KIAA1958: variants seen among roughly 807,000 people sequenced by gnomAD.
KIAA1958 encodes KIAA1958, also known as uncharacterized protein KIAA1958.
A neutral mutation model predicts 47.2 loss-of-function variants in KIAA1958; 14 were observed. The observed-to-expected ratio is 0.30, with a 90% CI of 0.20 to 0.46. KIAA1958 has a LOEUF of 0.46. Ranked by LOEUF, KIAA1958 falls within the 20% of genes least tolerant of loss-of-function variation. The pLI, the probability that KIAA1958 is intolerant of heterozygous loss-of-function variation, is 1.00. For missense variants in KIAA1958, 803 were observed against 909.2 expected (o/e 0.88, Z 1.50); for synonymous variants, 354 against 353.3 (o/e 1.00, Z -0.02).
At chr9:112,509,069 AT>A (rs1834279858) in intron 1 of KIAA1958, among the ~76,000 whole-genome samples, 1 of 146,528 alleles carries the variant, frequency 6.8e-6, no homozygotes, top group Non-Finnish European at 1.5e-5. Context: ...AAAAAGAGCA[AT>A]GTAGATACAT....
At chr9:112,581,745 A>T (rs1835739697) in intron 2 of KIAA1958, 1 of 201,130 alleles carries the variant, frequency 5.0e-6, no homozygotes, top group Admixed American at 4.8e-5. Flanking sequence ...TTTCAACACT[A>T]GTTATCCCAT....
At chr9:112,655,888 C>A (rs1301874679) in intron 3 of KIAA1958, among the ~76,000 whole-genome samples, 3 of 152,152 alleles carry the variant, frequency 2.0e-5, no homozygotes, top group Non-Finnish European at 4.4e-5. Flanking sequence ...TTTCTCTCCA[C>A]ATTAGCCCTG....
chr9:112,626,569 A>G (rs1248523289), intron 2 of KIAA1958, among the ~76,000 whole-genome samples: 1 of 152,178 alleles, frequency 6.6e-6, no homozygotes, highest in Non-Finnish European at 1.5e-5. Flanking sequence ...GTAATTGTGT[A>G]TACTGTGTTT....
chr9:112,643,305 A>G (rs1353769072), intron 2 of KIAA1958, among the ~76,000 whole-genome samples: 3 of 152,192 alleles, frequency 2.0e-5, no homozygotes, highest in African/African-American at 7.2e-5. Flanking sequence ...CAGAGAGGGT[A>G]CCTTGGTAAA....
At position 112,660,095 on chromosome 9, in the gene KIAA1958, C is replaced by T. The variant is rs775114661; in HGVS notation, c.*26C>T. Reference sequence around the variant, plus strand: ...GCCCCCACTGGGGCCCGGCCACTGCCCTGTCACCTGCTCGGGCCAGCCAGG... The same window carrying T: ...GCCCCCACTGGGGCCCGGCCACTGCTCTGTCACCTGCTCGGGCCAGCCAGG... On this transcript the variant is annotated 3_prime_UTR_variant, in exon 4 of 4. Coordinates refer to ENST00000337530, the MANE Select transcript of KIAA1958 (RefSeq NM_133465.4). 1.9e-6 allele frequency: 3 copies of T among 1,597,238 alleles called. No homozygotes were observed. The highest frequency in any genetic ancestry group is 2.2e-5 in the South Asian group (2 of 89,548).
intron 2 of KIAA1958, among the ~76,000 whole-genome samples, chr9:112,603,930 G>A (rs1001036913): frequency 6.6e-6 from 1 of 152,138 alleles, no homozygotes; most frequent in Admixed American, 6.5e-5. Flanking sequence ...AGAGAATTCA[G>A]ACATCATTTC....
At position 112,500,042 on chromosome 9, in the gene KIAA1958, C is replaced by G. The variant is rs141673965; in HGVS notation, c.-25+12924C>G. ...TATATACTGGGTTAAGGTATAAAAT[C>G]TGCACTTTCCATTAATGAAGTGATT... On this transcript the variant is annotated intron_variant, in intron 1 of 3. Coordinates refer to ENST00000337530, the MANE Select transcript of KIAA1958 (RefSeq NM_133465.4). Among the ~76,000 whole-genome samples the G allele has an allele frequency of 2.8e-4, 43 of 152,146 alleles. No homozygotes were observed. In the East Asian group the frequency reaches 7.9e-3, roughly 28 times the overall value.
intron 1 of KIAA1958, among the ~76,000 whole-genome samples, chr9:112,496,430 T>C (rs3849131): frequency 0.96 from 145,487 of 152,328 alleles, 69,538 homozygotes; most frequent in African/African-American, 0.98. Context: ...TTGATGAGAA[T>C]AGAGAAAGTA....
At chr9:112,544,276 G>T (rs1834992669) in intron 1 of KIAA1958, among the ~76,000 whole-genome samples, 1 of 152,212 alleles carries the variant, frequency 6.6e-6, no homozygotes, top group Non-Finnish European at 1.5e-5. Flanking sequence ...AGAGGGCCCT[G>T]CGAGACCACT....
intron 2 of KIAA1958, among the ~76,000 whole-genome samples, chr9:112,601,101 G>T (rs62568632): frequency 6.6e-6 from 1 of 152,072 alleles, no homozygotes; most frequent in Non-Finnish European, 1.5e-5. Flanking sequence ...CCCTGAAAGG[G>T]GTCAGCTAAG....
rs537827688 is a variant in KIAA1958 at position 112,652,123 on chromosome 9, C to T, written c.1344+6301C>T. 5.3e-5 allele frequency among the ~76,000 whole-genome samples: 8 copies of T among 152,134 alleles called. No homozygotes were observed. In the East Asian group the frequency reaches 1.2e-3, roughly 22 times the overall value. On this transcript the variant is annotated intron_variant, in intron 3 of 3. Coordinates refer to ENST00000337530, the MANE Select transcript of KIAA1958 (RefSeq NM_133465.4). ...TCAAGTGATCCACCTGCCTTGGCCT[C>T]GCAAAGTGCTGGGATTACAGGAGTG...
At chr9:112,608,465 G>C (rs146981082) in intron 2 of KIAA1958, among the ~76,000 whole-genome samples, 1 of 152,152 alleles carries the variant, frequency 6.6e-6, no homozygotes, top group Non-Finnish European at 1.5e-5. Flanking sequence ...GACATTTTTT[G>C]TAGTGGAGTA....
chr9:112,661,065 A>G lies in KIAA1958; in HGVS notation c.*996A>G, dbSNP rs1290409890. 22 of 152,218 alleles carry G rather than the reference A, an allele frequency of 1.4e-4. No homozygotes were observed. Among genetic ancestry groups the G allele is most frequent in the Admixed American group, 1.4e-3 (21 of 15,276 alleles). 9.4% of individuals were successfully genotyped at this position (152,218 alleles called of 1,614,324 possible). ...GCTAACCAAACAAGCTGCAAAAAACACAGATCCCCAAACTTTCTTTATTAA... is the reference window on the plus strand; with the variant it reads ...GCTAACCAAACAAGCTGCAAAAAACGCAGATCCCCAAACTTTCTTTATTAA... On this transcript the variant is annotated 3_prime_UTR_variant, in exon 4 of 4. Transcript: ENST00000337530.
intron 2 of KIAA1958, among the ~76,000 whole-genome samples, chr9:112,616,585 T>G (rs1272681008): frequency 6.6e-6 from 1 of 152,242 alleles, no homozygotes; most frequent in Non-Finnish European, 1.5e-5. Flanking sequence ...AATTACATAT[T>G]TTATGTTGTT....
chr9:112,638,875 C>T (rs917179865), intron 2 of KIAA1958, among the ~76,000 whole-genome samples: 13 of 152,092 alleles, frequency 8.5e-5, no homozygotes, highest in African/African-American at 2.9e-4. Flanking sequence ...CTATGTGTTA[C>T]ACCTGCTTGT....
chr9:112,633,257 C>T (rs939958290), intron 2 of KIAA1958, among the ~76,000 whole-genome samples: 4 of 149,240 alleles, frequency 2.7e-5, no homozygotes, highest in African/African-American at 9.9e-5. Flanking sequence ...AATTGCCTTC[C>T]TTTTCTTACA....
chr9:112,540,793 G>A (rs1564164993), intron 1 of KIAA1958, among the ~76,000 whole-genome samples: 1 of 151,392 alleles, frequency 6.6e-6, no homozygotes, highest in Non-Finnish European at 1.5e-5. Flanking sequence ...ATGGCTCACT[G>A]TAGCCTCGAC....
intron 2 of KIAA1958, among the ~76,000 whole-genome samples, chr9:112,590,406 C>T (rs1422635000): frequency 2.0e-5 from 3 of 148,290 alleles, no homozygotes; most frequent in Non-Finnish European, 3.0e-5. Flanking sequence ...GTCTGGAGTG[C>T]AATGGCGCGA....
At chr9:112,592,296 G>C (rs1835938319) in intron 2 of KIAA1958, among the ~76,000 whole-genome samples, 1 of 152,208 alleles carries the variant, frequency 6.6e-6, no homozygotes, top group South Asian at 2.1e-4. Flanking sequence ...CTGAGCCCGG[G>C]AGGTTGAAAC....
Sources: gnomAD v4.1 joint callset for allele counts (sites outside exome capture counted in the v4.1 genomes callset) on GRCh38, gnomAD v4.1.1 for gene constraint, MANE v1.5 for transcripts, NCBI Gene and HGNC (gene_info 2026-07-23, HGNC 2026-07-21) for gene names.